The following DGKI variants were observed in gnomAD, a reference collection of about 807,000 sequenced individuals.
The protein encoded by DGKI is DAG kinase iota.
Under a neutral mutation model 147.5 loss-of-function variants are expected in DGKI, and 55 were observed. The observed-to-expected ratio is 0.37, with a 90% CI of 0.30 to 0.47. The LOEUF is 0.47. Ranked by LOEUF, DGKI falls within the 20% of genes least tolerant of loss-of-function variation. The probability of loss-of-function intolerance (pLI) is 1.00; values close to 1 mark genes in which losing one functional copy is unlikely to be tolerated. For missense variants in DGKI, 1,007 were observed against 1,323.8 expected (o/e 0.76, Z 3.71); for synonymous variants, 469 against 477.1 (o/e 0.98, Z 0.22).
intron 1 of DGKI, among the ~76,000 whole-genome samples, chr7:137,829,303 C>T (rs905038460): frequency 3.3e-5 from 5 of 152,258 alleles, no homozygotes; most frequent in Non-Finnish European, 5.9e-5. Flanking sequence ...CCCACATTTC[C>T]TGTCTACAGT....
At position 137,416,773 on chromosome 7, in the gene DGKI, T is replaced by C. The variant is rs537960391; in HGVS notation, c.2762-4566A>G. Among the ~76,000 whole-genome samples the C allele has an allele frequency of 2.0e-5, 3 of 152,330 alleles. No homozygotes were observed. In the South Asian group the frequency reaches 6.2e-4, roughly 32 times the overall value. Reference sequence around the variant, plus strand: ...TACCCCATATCGCTCCCAAGCATTGTTATTTATGTTTGTTGGTTTCCAACA... The same window carrying C: ...TACCCCATATCGCTCCCAAGCATTGCTATTTATGTTTGTTGGTTTCCAACA... On this transcript the variant is annotated intron_variant, in intron 28 of 32. Transcript: ENST00000614521.
At chr7:137,599,711 A>G in intron 11 of DGKI, 112 bp downstream of exon 11, 1 of 877,844 alleles carries the variant, frequency 1.1e-6, no homozygotes, top group East Asian at 2.6e-5. Context: ...ACAGGTGAGA[A>G]GGTAGATGAC....
intron 28 of DGKI, among the ~76,000 whole-genome samples, chr7:137,441,699 C>T (rs537668548): frequency 1.3e-5 from 2 of 152,064 alleles, no homozygotes; most frequent in Non-Finnish European, 2.9e-5. Flanking sequence ...CTAGTTATTA[C>T]AGAGGGAGGA....
chr7:137,463,481 A>C lies in DGKI; in HGVS notation c.2735+8T>G, dbSNP rs895024797. ...CACAGAGGAAAAGAACAGCAAGAGA[A>C]CTCTTACTGTAGCACGCGGGAGTGG... is the stretch of plus-strand genomic sequence containing the variant. On this transcript the variant is annotated splice_region_variant and intron_variant, in intron 27 of 32. Coordinates refer to ENST00000614521, the MANE Select transcript of DGKI (RefSeq NM_001321708.2). The C allele has an allele frequency of 2.5e-6, 4 of 1,613,324 alleles. No individual in the cohort carries two copies.
At chr7:137,841,092 C>G (rs560331007) in intron 1 of DGKI, among the ~76,000 whole-genome samples, 40 of 152,330 alleles carry the variant, frequency 2.6e-4, no homozygotes, top group Middle Eastern at 3.4e-3. Context: ...AGAAAGATGC[C>G]AAGTTCAAAC....
At chr7:137,618,151 A>ATATATATATATATATT in intron 8 of DGKI, among the ~76,000 whole-genome samples, 3 of 10,460 alleles carry the variant, frequency 2.9e-4, no homozygotes, top group African/African-American at 3.7e-4. Context: ...ATATATATAT[A>ATATATATATATATATT]TTTTTTTTTT....
intron 1 of DGKI, among the ~76,000 whole-genome samples, chr7:137,753,219 C>G (rs1414410714): frequency 1.3e-5 from 2 of 152,148 alleles, no homozygotes; most frequent in Non-Finnish European, 2.9e-5. Flanking sequence ...GTGGCTCTGC[C>G]AAAAGATAAC....
chr7:137,647,426 T>C (rs1031524085), intron 5 of DGKI, among the ~76,000 whole-genome samples: 1 of 152,224 alleles, frequency 6.6e-6, no homozygotes, highest in Non-Finnish European at 1.5e-5. Context: ...CCTATTCCAA[T>C]GATCTCTCTC....
chr7:137,583,692 T>C (rs1206503863), intron 14 of DGKI, among the ~76,000 whole-genome samples: 2 of 152,176 alleles, frequency 1.3e-5, no homozygotes, highest in African/African-American at 2.4e-5. Flanking sequence ...AAATATGGAT[T>C]TCTATTGCAC....
rs116829759 is a variant in DGKI at position 137,639,561 on chromosome 7, G to A, written c.804+5911C>T. 8.0e-3 allele frequency among the ~76,000 whole-genome samples: 1,221 copies of A among 152,196 alleles called. 23 individuals carry two copies. The highest frequency in any genetic ancestry group is 0.028 in the African/African-American group (1,151 of 41,520). ...AGGAAGTGTCCTCATTGCCACCCTG[G>A]CCTGAGGTTTGGGCCTCTGCTCCCC... is the stretch of plus-strand genomic sequence containing the variant. On this transcript the variant is annotated intron_variant, in intron 6 of 32. Coordinates refer to ENST00000614521, the MANE Select transcript of DGKI (RefSeq NM_001321708.2).
At chr7:137,524,516 A>G (rs139767710) in intron 20 of DGKI, among the ~76,000 whole-genome samples, 2 of 152,148 alleles carry the variant, frequency 1.3e-5, no homozygotes, top group African/African-American at 4.8e-5. Flanking sequence ...GAAAAAATTT[A>G]CGCAATTAAC....
At chr7:137,680,184 C>T (rs936423857) in intron 2 of DGKI, among the ~76,000 whole-genome samples, 14 of 152,040 alleles carry the variant, frequency 9.2e-5, no homozygotes, top group East Asian at 3.9e-4. Flanking sequence ...TGTGAGCACA[C>T]GGCAAGAAAG....
intron 20 of DGKI, 86 bp from the exon 21 acceptor site, chr7:137,522,052 C>A (rs755012082): frequency 4.4e-6 from 4 of 913,536 alleles, no homozygotes; most frequent in Non-Finnish European, 6.8e-6. Context: ...GCAATATTGT[C>A]TCTTCATGTT....
At chr7:137,785,065 G>A (rs1796625408) in intron 1 of DGKI, among the ~76,000 whole-genome samples, 1 of 151,750 alleles carries the variant, frequency 6.6e-6, no homozygotes, top group Non-Finnish European at 1.5e-5. Context: ...CATGGAACTG[G>A]AGAAACAAGA....
At chr7:137,466,059 T>G in intron 25 of DGKI, 24 bp from the exon 26 acceptor site, 1 of 1,611,894 alleles carries the variant, frequency 6.2e-7, no homozygotes, top group Non-Finnish European at 8.5e-7. Flanking sequence ...AGAAGTCTGT[T>G]GCATGAAGAA....
intron 1 of DGKI, among the ~76,000 whole-genome samples, chr7:137,822,769 A>G (rs1797941978): frequency 6.6e-6 from 1 of 152,062 alleles, no homozygotes; most frequent in Admixed American, 6.5e-5. Context: ...AATGAATAAA[A>G]GAAGATATTA....
At chr7:137,414,054 G>A (rs1275279756) in intron 28 of DGKI, among the ~76,000 whole-genome samples, 2 of 152,126 alleles carry the variant, frequency 1.3e-5, no homozygotes, top group Non-Finnish European at 2.9e-5. Flanking sequence ...TCCTATTTGA[G>A]TAGTCTCTCA....
rs1333387100 is a variant in DGKI at position 137,390,997 on chromosome 7, T to C, written c.*223A>G. On this transcript the variant is annotated 3_prime_UTR_variant, in exon 33 of 33. Transcript: ENST00000614521. Reference sequence around the variant, plus strand: ...ATCAAATTTTGTGGAACTCGTACTGTATTCCACAAATCTCCAGGTATCCTG... The same window carrying C: ...ATCAAATTTTGTGGAACTCGTACTGCATTCCACAAATCTCCAGGTATCCTG... 3 of 553,412 alleles carry C rather than the reference T, an allele frequency of 5.4e-6. No individual in the cohort carries two copies. Among genetic ancestry groups the C allele is most frequent in the African/African-American group, 1.9e-5 (1 of 51,644 alleles). 34.3% of individuals were successfully genotyped at this position (553,412 alleles called of 1,614,324 possible).
intron 27 of DGKI, among the ~76,000 whole-genome samples, chr7:137,451,770 C>G (rs528453974): frequency 2.6e-5 from 4 of 152,314 alleles, no homozygotes; most frequent in African/African-American, 9.6e-5. Context: ...TCAAAACTTA[C>G]AAGCTGATCC....
Sources: allele counts gnomAD v4.1 joint callset (sites outside exome capture counted in the v4.1 genomes callset), GRCh38; gene constraint gnomAD v4.1.1; transcripts MANE v1.5; gene names NCBI Gene and HGNC (gene_info 2026-07-23, HGNC 2026-07-21).